The following KAT6A variants were observed in gnomAD, a reference collection of about 807,000 sequenced individuals.
KAT6A encodes the protein lysine acetyltransferase 6A.
Under a neutral mutation model 198.4 loss-of-function variants are expected in KAT6A, and 9 were observed. That is an observed-to-expected ratio of 0.05 (90% CI 0.03 to 0.08). The LOEUF (loss-of-function observed/expected upper bound fraction) is 0.08. Ranked by LOEUF, KAT6A falls within the 10% of genes least tolerant of loss-of-function variation. The probability of loss-of-function intolerance (pLI) is 1.00; values close to 1 mark genes in which losing one functional copy is unlikely to be tolerated. For synonymous variants in KAT6A, 890 were observed against 883.0 expected, an observed-to-expected ratio of 1.01 and a Z score of -0.14; for missense variants, 2,077 against 2,509.9, an observed-to-expected ratio of 0.83 and a Z score of 3.69.
intron 2 of KAT6A, among the ~76,000 whole-genome samples, chr8:42,035,850 G>C (rs181425011): frequency 3.7e-4 from 56 of 152,156 alleles, no homozygotes; most frequent in African/African-American, 1.2e-3. Flanking sequence ...GTGGTTTTTT[G>C]GTTGTTTTTA....
Position 41,940,935 on chromosome 8 carries a change from C to A in KAT6A, c.2946G>T (p.Arg982Ser). The change falls in exon 15 of 17, where the codon AGG (arginine) becomes AGT (serine). Residue 982 changes from arginine (R) to serine (S), a missense_variant. Around this residue, in one of 13 missense-constraint regions of KAT6A, gnomAD observed 301 missense variants for 272.2 expected, o/e 1.11. Coordinates refer to ENST00000265713, the MANE Select transcript of KAT6A (RefSeq NM_006766.5). ...CCTCCTCGCTGCTCTCACTGAAGCC[C>A]CTGAGGACAGCCCTGTCACCCTCAC... ...RYSEGDRAVL[R>S]GFSESSEEEE... 1 of 1,614,200 alleles carries A rather than the reference C, an allele frequency of 6.2e-7. No individual in the cohort carries two copies. Among genetic ancestry groups the A allele is most frequent in the Non-Finnish European group, 8.5e-7 (1 of 1,180,028 alleles).
intron 7 of KAT6A, 30 bp from the exon 8 acceptor site, chr8:41,974,852 A>G (rs747144426): frequency 2.8e-6 from 4 of 1,413,136 alleles, no homozygotes. Flanking sequence ...TCACATGTTA[A>G]CTGTCCCCAG....
chr8:42,043,549 T>A (rs562244111), intron 2 of KAT6A: 1 of 152,208 alleles, frequency 6.6e-6, no homozygotes, highest in African/African-American at 2.4e-5. Context: ...AATCTTTGGT[T>A]CCTAACACAT....
intron 3 of KAT6A, among the ~76,000 whole-genome samples, chr8:41,982,753 C>T (rs574991304): frequency 6.6e-6 from 1 of 152,186 alleles, no homozygotes; most frequent in African/African-American, 2.4e-5. Flanking sequence ...CATAATGGTC[C>T]CAAAGCACAA....
intron 2 of KAT6A, among the ~76,000 whole-genome samples, chr8:42,043,303 TACAC>T (rs1158773178): frequency 6.6e-6 from 1 of 152,204 alleles, no homozygotes; most frequent in Non-Finnish European, 1.5e-5. Context: ...TTAAGCCAGT[TACAC>T]ACTCTTCTCC....
Position 41,937,440 on chromosome 8 carries a change from C to A in KAT6A, c.3168G>T (p.Arg1056Ser), listed in dbSNP as rs771454272. 1 of 1,614,142 alleles carries A rather than the reference C, an allele frequency of 6.2e-7. No individual in the cohort carries two copies. The stretch of plus-strand genomic sequence containing the variant: ...ACGTGGGTTCTAATCTTGGCATTGG[C>A]CTCTCGGAGTCAGAATCTTCAAAAG... The part of the protein sequence containing the change: ...DEPFEDSDSE[R>S]PMPRLEPTFE... Residue 1056 changes from arginine (R) to serine (S), a missense_variant, in exon 16 of 17, where the codon AGG becomes AGT. Around this residue, in one of 13 missense-constraint regions of KAT6A, gnomAD observed 375 missense variants for 383.0 expected, o/e 0.98. Transcript: ENST00000265713.
rs549529847 is a variant in KAT6A, at chr8:42,035,264, T to G, written c.600+13114A>C. On this transcript the variant is annotated intron_variant, in intron 2 of 16. Coordinates refer to ENST00000265713, the MANE Select transcript of KAT6A (RefSeq NM_006766.5). ...TTTTAAGCATCAGAATCGATGGCAA[T>G]GGCTCTTACCACTGTAAGAAATGAC... Among the ~76,000 whole-genome samples the G allele has an allele frequency of 2.0e-5, 3 of 152,326 alleles. No individual in the cohort carries two copies. In the South Asian group the frequency reaches 6.2e-4, roughly 32 times the overall value.
chr8:41,947,973 G>A, intron 10 of KAT6A, 61 bp from the exon 11 acceptor site: 1 of 1,339,332 alleles, frequency 7.5e-7, no homozygotes, highest in African/African-American at 1.5e-5. Context: ...AGAATAATAT[G>A]TATCAGTTAA....
intron 2 of KAT6A, among the ~76,000 whole-genome samples, chr8:42,000,421 AGC>A (rs1825434783): frequency 6.6e-6 from 1 of 151,822 alleles, no homozygotes; most frequent in Non-Finnish European, 1.5e-5. Context: ...TGTGGTGGCA[AGC>A]GCCTGTAATC....
At chr8:42,038,440 T>C (rs1262729338) in intron 2 of KAT6A, among the ~76,000 whole-genome samples, 1 of 152,250 alleles carries the variant, frequency 6.6e-6, no homozygotes, top group Admixed American at 6.5e-5. Flanking sequence ...CAATATTCTC[T>C]AGACAAGGTT....
intron 9 of KAT6A, among the ~76,000 whole-genome samples, chr8:41,953,210 CA>C (rs1300299928): frequency 6.6e-6 from 1 of 152,182 alleles, no homozygotes; most frequent in Non-Finnish European, 1.5e-5. Context: ...ATTCCATTCT[CA>C]TCATTCTCTT....
At chr8:42,015,379 C>A (rs528366557) in intron 2 of KAT6A, among the ~76,000 whole-genome samples, 2 of 152,236 alleles carry the variant, frequency 1.3e-5, no homozygotes. Flanking sequence ...GATACCACGA[C>A]AGCACTTAAA....
intron 2 of KAT6A, among the ~76,000 whole-genome samples, chr8:42,011,174 T>C (rs1826002364): frequency 1.3e-5 from 2 of 152,168 alleles, no homozygotes; most frequent in South Asian, 4.1e-4. Flanking sequence ...TTAATTTAGA[T>C]TATATTTTAT....
Position 41,934,212 on chromosome 8 carries a change from G to A in KAT6A, c.4008C>T (p.Pro1336=), listed in dbSNP as rs1310048868. 1 of 1,614,058 alleles carries A rather than the reference G, an allele frequency of 6.2e-7. No individual in the cohort carries two copies. Among genetic ancestry groups the A allele is most frequent in the Non-Finnish European group, 8.5e-7 (1 of 1,180,020 alleles). ...STKKKELEEQ[P]TREDVKEEPG... ...GCTCCTCCTTGACATCTTCCCTCGT[G>A]GGCTGTTCCTCTAGCTCCTTTTTCT... Residue 1336 remains proline (P), a synonymous_variant, in exon 17 of 17, where the codon CCC becomes CCT. Transcript: ENST00000265713.
In KAT6A at chr8:41,953,534, C is replaced by T. The variant is rs370166608; in HGVS notation, c.1598+1762G>A. 5.9e-5 allele frequency among the ~76,000 whole-genome samples: 9 copies of T among 152,304 alleles called. No homozygotes were observed. The East Asian group carries it at 1.4e-3, about 23-fold the overall frequency. ...TGTTGCCCAGGCGAGAGTGCAATGG[C>T]GCGATCTCAGTTCACTGCAACCTCC... On this transcript the variant is annotated intron_variant, in intron 9 of 16. Transcript: ENST00000265713.
chr8:41,978,437 G>A (rs1824177588), intron 6 of KAT6A, among the ~76,000 whole-genome samples: 1 of 152,156 alleles, frequency 6.6e-6, no homozygotes. Context: ...TGGGTTGTTG[G>A]CAGAATTAAA....
At chr8:41,980,546 A>C (rs1042602764) in intron 5 of KAT6A, among the ~76,000 whole-genome samples, 13 of 152,196 alleles carry the variant, frequency 8.5e-5, no homozygotes, top group Non-Finnish European at 1.8e-4. Context: ...TTCAAGATAT[A>C]TTTAAGGCAA....
rs536296572 is a variant in KAT6A at position 42,017,525 on chromosome 8, C to T, written c.601-29962G>A. Among the ~76,000 whole-genome samples, 60 of 151,884 alleles carry T rather than the reference C, an allele frequency of 4.0e-4. No individual in the cohort carries two copies. In the South Asian group the frequency reaches 4.8e-3, roughly 12 times the overall value. ...CAAAGAGGCTTAAAAGATGAATATT[C>T]GCTATTTTTGTTTTTGTTTGTTGGG... On this transcript the variant is annotated intron_variant, in intron 2 of 16. Transcript: ENST00000265713.
intron 2 of KAT6A, among the ~76,000 whole-genome samples, chr8:42,019,058 GAATA>G (rs1489239312): frequency 6.6e-6 from 1 of 152,152 alleles, no homozygotes; most frequent in African/African-American, 2.4e-5. Flanking sequence ...GAATGTTAGA[GAATA>G]AATTCTCCAC....
Sources: allele counts gnomAD v4.1 joint callset (sites outside exome capture counted in the v4.1 genomes callset), GRCh38; gene constraint gnomAD v4.1.1; regional missense constraint gnomAD v4.1.1; transcripts MANE v1.5; gene names NCBI Gene and HGNC (gene_info 2026-07-23, HGNC 2026-07-21).